TMCO4: variants seen among roughly 807,000 people sequenced by gnomAD.
The protein encoded by TMCO4 is transmembrane and coiled-coil domains 4.
Under a neutral mutation model 64.7 loss-of-function variants are expected in TMCO4, and 58 were observed. The observed-to-expected ratio is 0.90, with a 90% CI of 0.73 to 1.12. The LOEUF (loss-of-function observed/expected upper bound fraction) is 1.12, where lower values mean the gene tolerates loss of function less well. TMCO4 is among the 50% of genes most tolerant of loss of function. The pLI, the probability that TMCO4 is intolerant of heterozygous loss-of-function variation, is 0.00. For synonymous variants in TMCO4, 325 were observed against 346.1 expected (o/e 0.94, Z 0.68); for missense variants, 780 against 825.9 (o/e 0.94, Z 0.68).
chr1:19,708,140 GAGGCTATTGT>G (rs1477266366), intron 13 of TMCO4, among the ~76,000 whole-genome samples: 1 of 152,158 alleles, frequency 6.6e-6, no homozygotes, highest in Non-Finnish European at 1.5e-5. Context: ...AGTTTTGTTA[GAGGCTATTGT>G]AGGGAAGCCT....
chr1:19,715,883 G>A (rs892469518), intron 13 of TMCO4, among the ~76,000 whole-genome samples: 4 of 152,244 alleles, frequency 2.6e-5, no homozygotes, highest in Non-Finnish European at 5.9e-5. Flanking sequence ...GACGGAGGGA[G>A]CGCCCTGGGA....
At chr1:19,795,380 G>A (rs1177946090) in intron 2 of TMCO4, among the ~76,000 whole-genome samples, 1 of 152,144 alleles carries the variant, frequency 6.6e-6, no homozygotes, top group African/African-American at 2.4e-5. Context: ...GCTGAGGCAG[G>A]AGAATCACTT....
intron 13 of TMCO4, among the ~76,000 whole-genome samples, chr1:19,708,122 G>T (rs2095311649): frequency 6.6e-6 from 1 of 152,114 alleles, no homozygotes; most frequent in South Asian, 2.1e-4. Context: ...GGGGGTTTGG[G>T]ACAGCCTAGT....
intron 13 of TMCO4, among the ~76,000 whole-genome samples, chr1:19,711,856 C>T (rs1158084069): frequency 1.3e-5 from 2 of 152,134 alleles, no homozygotes; most frequent in East Asian, 1.9e-4. Context: ...GGGGTTTCTC[C>T]ATGTTGGTCA....
intron 6 of TMCO4, among the ~76,000 whole-genome samples, chr1:19,770,075 T>C (rs2042917497): frequency 6.6e-6 from 1 of 152,198 alleles, no homozygotes; most frequent in Non-Finnish European, 1.5e-5. Context: ...GCTGATTTTT[T>C]TCTCCTGAGT....
intron 7 of TMCO4, chr1:19,750,504 C>A (rs540028700): frequency 6.6e-6 from 1 of 152,132 alleles, no homozygotes; most frequent in Admixed American, 6.5e-5. Flanking sequence ...GATGATGAGA[C>A]GGCACCACCG....
At chr1:19,707,112 T>A (rs560291159) in intron 13 of TMCO4, among the ~76,000 whole-genome samples, 2 of 152,322 alleles carry the variant, frequency 1.3e-5, no homozygotes, top group Admixed American at 1.3e-4. Context: ...TGCCTGACCT[T>A]CCCTTCATTC....
chr1:19,769,043 G>C (rs999850731), intron 6 of TMCO4, among the ~76,000 whole-genome samples: 1 of 152,202 alleles, frequency 6.6e-6, no homozygotes, highest in African/African-American at 2.4e-5. Context: ...GGCCAAGCAC[G>C]CATGAGAAAG....
At chr1:19,727,477 T>C (rs914192316) in intron 13 of TMCO4, among the ~76,000 whole-genome samples, 1 of 152,220 alleles carries the variant, frequency 6.6e-6, no homozygotes, top group Non-Finnish European at 1.5e-5. Flanking sequence ...CTATATCTAT[T>C]AGCTGTCAAC....
rs1049326788 is a variant in TMCO4, at chr1:19,734,761, C to T, written c.1264+2611G>A. Among the ~76,000 whole-genome samples the T allele has an allele frequency of 2.6e-5, 4 of 152,160 alleles. No homozygotes were observed. The highest frequency in any genetic ancestry group is 9.7e-5 in the African/African-American group (4 of 41,448). On this transcript the variant is annotated intron_variant, in intron 13 of 15. Transcript: ENST00000294543. The surrounding 1 kb of genome is among the most constrained non-coding windows in gnomAD (Gnocchi z 4.4). ...ACAGCATAGTGGTTAGGAGTGAGGG[C>T]TCCAGGGCCAGACTCCCTGGGCCTG...
chr1:19,794,279 C>A (rs2044198024), intron 2 of TMCO4, among the ~76,000 whole-genome samples: 1 of 152,192 alleles, frequency 6.6e-6, no homozygotes, highest in South Asian at 2.1e-4. Flanking sequence ...AGCCCCTTAA[C>A]CCAGCTGCTC....
chr1:19,709,735 T>C (rs1274885326), intron 13 of TMCO4, among the ~76,000 whole-genome samples: 1 of 152,034 alleles, frequency 6.6e-6, no homozygotes, highest in Non-Finnish European at 1.5e-5. Flanking sequence ...TGTTTTTTTT[T>C]TGTATAAAAA....
chr1:19,774,301 C>T (rs1557604554), intron 4 of TMCO4, among the ~76,000 whole-genome samples: 1 of 152,186 alleles, frequency 6.6e-6, no homozygotes, highest in Non-Finnish European at 1.5e-5. Context: ...CAACTCTTAA[C>T]GAGAGTGCAG....
chr1:19,757,157 G>GC (rs1553145633), intron 6 of TMCO4, among the ~76,000 whole-genome samples: 2 of 94,394 alleles, frequency 2.1e-5, no homozygotes, highest in East Asian at 5.6e-4. Flanking sequence ...CAGGCGTGGT[G>GC]GCGGGGGGGG....
intron 10 of TMCO4, among the ~76,000 whole-genome samples, chr1:19,742,847 C>G (rs1286387772): frequency 1.3e-5 from 2 of 152,072 alleles, no homozygotes; most frequent in South Asian, 2.1e-4. Context: ...GTGAAGGGAT[C>G]AAGACCATCC....
intron 10 of TMCO4, among the ~76,000 whole-genome samples, chr1:19,742,875 C>T (rs2095486041): frequency 6.6e-6 from 1 of 152,090 alleles, no homozygotes. Flanking sequence ...CATGGTGAAA[C>T]CCCGTCTCTA....
chr1:19,782,753 T>C (rs1269689556), intron 3 of TMCO4, among the ~76,000 whole-genome samples: 5 of 151,832 alleles, frequency 3.3e-5, no homozygotes, highest in African/African-American at 1.2e-4. Flanking sequence ...CCAGGAAGGG[T>C]ACAGGGAAGG....
chr1:19,799,195 C>T (rs1053499633), intron 1 of TMCO4: 9 of 152,512 alleles, frequency 5.9e-5, no homozygotes, highest in African/African-American at 1.9e-4. Context: ...TCAGTTTACC[C>T]AGCTGTAAAA....
At chr1:19,736,751 C>T (rs1302958625) in intron 13 of TMCO4, among the ~76,000 whole-genome samples, 2 of 152,218 alleles carry the variant, frequency 1.3e-5, no homozygotes, top group African/African-American at 2.4e-5. Context: ...TGACACACTC[C>T]CAAAGGTGTC....
Sources: gnomAD v4.1 joint callset for allele counts (sites outside exome capture counted in the v4.1 genomes callset) on GRCh38, gnomAD v4.1.1 for gene constraint, Gnocchi (gnomAD v3.1) non-coding constraint, MANE v1.5 for transcripts, NCBI Gene and HGNC (gene_info 2026-07-23, HGNC 2026-07-21) for gene names.